CBFA2T2: variants seen among roughly 807,000 people sequenced by gnomAD.
The protein encoded by CBFA2T2 is CBFA2/RUNX1 partner transcriptional co-repressor 2, also known as protein CBFA2T2.
In CBFA2T2, 11 loss-of-function variants were observed where a neutral mutation model predicts 62.2. The observed-to-expected ratio is 0.18, with a 90% CI of 0.11 to 0.29. The LOEUF (loss-of-function observed/expected upper bound fraction) is 0.29. Ranked by LOEUF, CBFA2T2 falls within the 10% of genes least tolerant of loss-of-function variation. The probability of loss-of-function intolerance (pLI) is 1.00; values close to 1 mark genes in which losing one functional copy is unlikely to be tolerated. For missense variants in CBFA2T2, 592 were observed against 774.1 expected (o/e 0.76, Z 2.79); for synonymous variants, 295 against 287.5 (o/e 1.03, Z -0.27).
intron 1 of CBFA2T2, among the ~76,000 whole-genome samples, chr20:33,563,351 C>T (rs988449900): frequency 6.6e-6 from 1 of 151,870 alleles, no homozygotes; most frequent in African/African-American, 2.4e-5. Flanking sequence ...GTTTGTGATG[C>T]CTATTTTAGA....
intron 3 of CBFA2T2, among the ~76,000 whole-genome samples, chr20:33,613,585 G>A (rs1187347481): frequency 6.6e-6 from 1 of 152,166 alleles, no homozygotes; most frequent in Non-Finnish European, 1.5e-5. Context: ...TTTTGTTGGG[G>A]CCTGGTCACA....
intron 1 of CBFA2T2, among the ~76,000 whole-genome samples, chr20:33,534,519 G>T (rs181162180): frequency 2.2e-3 from 330 of 151,936 alleles, no homozygotes; most frequent in Non-Finnish European, 3.2e-3. Flanking sequence ...CACCATGTTG[G>T]CCAGGCTGGT....
intron 1 of CBFA2T2, among the ~76,000 whole-genome samples, chr20:33,538,685 A>G (rs769517936): frequency 4.6e-5 from 7 of 152,200 alleles, no homozygotes; most frequent in Non-Finnish European, 8.8e-5. Context: ...TTTTCTGTAC[A>G]TCATTTGCAA....
intron 1 of CBFA2T2, among the ~76,000 whole-genome samples, chr20:33,593,020 G>A (rs1023739580): frequency 7.2e-5 from 11 of 152,106 alleles, no homozygotes. Context: ...TACACACAGA[G>A]CTGTTTTTCT....
chr20:33,638,259 G>A (rs1232722098), intron 9 of CBFA2T2, among the ~76,000 whole-genome samples: 1 of 152,030 alleles, frequency 6.6e-6, no homozygotes, highest in Non-Finnish European at 1.5e-5. Flanking sequence ...AGGATTACAG[G>A]CATGAGCCTG....
At chr20:33,636,795 G>A in intron 9 of CBFA2T2, 87 bp downstream of exon 9, 1 of 976,442 alleles carries the variant, frequency 1.0e-6, no homozygotes, top group Admixed American at 1.8e-5. Flanking sequence ...TTGGTAACTG[G>A]GTCCTTTGGT....
intron 1 of CBFA2T2, among the ~76,000 whole-genome samples, chr20:33,500,754 T>G (rs1203184819): frequency 6.6e-6 from 1 of 151,848 alleles, no homozygotes; most frequent in Non-Finnish European, 1.5e-5. Context: ...TCCAAATAAT[T>G]GGGGTATGAT....
At chr20:33,579,819 T>C (rs1435089952) in intron 1 of CBFA2T2, among the ~76,000 whole-genome samples, 34 of 31,392 alleles carry the variant, frequency 1.1e-3, no homozygotes, top group East Asian at 5.6e-3. Context: ...CTCTCTCTCT[T>C]TTTTTTTTTT....
At chr20:33,574,584 C>T (rs2013732955) in intron 1 of CBFA2T2, among the ~76,000 whole-genome samples, 2 of 152,224 alleles carry the variant, frequency 1.3e-5, no homozygotes, top group South Asian at 2.1e-4. Flanking sequence ...GAGATTGTGC[C>T]ATTGCACTCC....
At chr20:33,614,310 C>G (rs2015628389) in intron 3 of CBFA2T2, among the ~76,000 whole-genome samples, 1 of 152,060 alleles carries the variant, frequency 6.6e-6, no homozygotes. Flanking sequence ...TAAGTACATT[C>G]ATATTGTTTG....
chr20:33,500,160 C>A (rs2011254757), intron 1 of CBFA2T2, among the ~76,000 whole-genome samples: 1 of 151,744 alleles, frequency 6.6e-6, no homozygotes, highest in Admixed American at 6.6e-5. Flanking sequence ...GTTTCACCAT[C>A]TTGGCCAGGC....
At chr20:33,525,718 C>A (rs955491608) in intron 1 of CBFA2T2, among the ~76,000 whole-genome samples, 4 of 152,184 alleles carry the variant, frequency 2.6e-5, no homozygotes, top group African/African-American at 9.7e-5. Context: ...GTGGTACAGT[C>A]ACAGCTCATC....
chr20:33,545,470 T>TTTCTTTCTTTCTTTCGTTCG (rs1209263074), intron 1 of CBFA2T2, among the ~76,000 whole-genome samples: 11 of 151,326 alleles, frequency 7.3e-5, no homozygotes, highest in African/African-American at 2.7e-4. Flanking sequence ...TCTTTCTTTC[T>TTTCTTTCTTTCTTTCGTTCG]TTCGTTCGTT....
intron 10 of CBFA2T2, among the ~76,000 whole-genome samples, chr20:33,642,128 G>T (rs1370376905): frequency 1.6e-5 from 2 of 126,210 alleles, no homozygotes; most frequent in Non-Finnish European, 3.3e-5. Context: ...GTGTGTGTGT[G>T]TGTGTGTGTG....
chr20:33,531,066 G>C (rs1465098492), intron 1 of CBFA2T2, among the ~76,000 whole-genome samples: 1 of 152,168 alleles, frequency 6.6e-6, no homozygotes, highest in Non-Finnish European at 1.5e-5. Flanking sequence ...CTGGGCAACA[G>C]AGCAAGACTC....
At chr20:33,504,490 C>T (rs1368115412) in intron 1 of CBFA2T2, among the ~76,000 whole-genome samples, 2 of 149,926 alleles carry the variant, frequency 1.3e-5, no homozygotes, top group Non-Finnish European at 2.9e-5. Context: ...GCAGCCTCCG[C>T]CTCCTGAGTT....
intron 1 of CBFA2T2, chr20:33,600,354 G>C (rs1218065212): frequency 8.4e-6 from 2 of 237,790 alleles, no homozygotes; most frequent in Non-Finnish European, 1.8e-5. Flanking sequence ...ACCATGCCCA[G>C]CTAATTTTTG....
In CBFA2T2 at chr20:33,647,707, T is replaced by C. The variant is rs2017103306; in HGVS notation, c.*3061T>C. On this transcript the variant is annotated 3_prime_UTR_variant, in exon 11 of 11. Coordinates refer to ENST00000342704, the MANE Select transcript of CBFA2T2 (RefSeq NM_001032999.3). ...TTTATTAGGGCTCGATGCCCATTTC[T>C]GTGGCTAAGGCTTAGGTTTGGTGTG... The C allele has an allele frequency of 6.6e-6, 1 of 152,226 alleles. No homozygotes were observed. The highest frequency in any genetic ancestry group is 2.4e-5 in the African/African-American group (1 of 41,452). 9.4% of individuals were successfully genotyped at this position (152,226 alleles called of 1,614,324 possible). A position where few individuals can be genotyped will look rare whatever the true frequency, so the allele number is the denominator to read the frequency against.
chr20:33,553,007 A>G (rs1041014537), intron 1 of CBFA2T2, among the ~76,000 whole-genome samples: 2 of 152,108 alleles, frequency 1.3e-5, no homozygotes, highest in Non-Finnish European at 2.9e-5. Flanking sequence ...CCTGCTGTGA[A>G]GCTCATAGTT....
Sources: gnomAD v4.1 joint callset for allele counts (sites outside exome capture counted in the v4.1 genomes callset) on GRCh38, gnomAD v4.1.1 for gene constraint, MANE v1.5 for transcripts, NCBI Gene and HGNC (gene_info 2026-07-23, HGNC 2026-07-21) for gene names.